GABBR2: variants seen among roughly 807,000 people sequenced by gnomAD.
GABBR2 encodes the protein gamma-aminobutyric acid type B receptor subunit 2.
GABBR2 carries 23 observed loss-of-function variants against 105.6 expected under a neutral mutation model. The ratio of observed to expected loss-of-function variants is 0.22; its 90% CI spans 0.16 to 0.31. The LOEUF (loss-of-function observed/expected upper bound fraction) is 0.31. Ranked by LOEUF, GABBR2 falls within the 10% of genes least tolerant of loss-of-function variation. The pLI, the probability that GABBR2 is intolerant of heterozygous loss-of-function variation, is 1.00. For missense variants in GABBR2, 734 were observed against 1,245.5 expected (o/e 0.59, Z 6.18); for synonymous variants, 478 against 499.7 (o/e 0.96, Z 0.58).
intron 1 of GABBR2, among the ~76,000 whole-genome samples, chr9:98,675,854 G>T (rs764119228): frequency 2.0e-5 from 3 of 152,214 alleles, no homozygotes; most frequent in African/African-American, 4.8e-5. Context: ...AAATGTTGCT[G>T]TATTCAACAT....
chr9:98,461,383 T>C (rs1439699276), intron 6 of GABBR2, among the ~76,000 whole-genome samples: 2 of 152,240 alleles, frequency 1.3e-5, no homozygotes, highest in South Asian at 4.1e-4. Context: ...CAAAGGAAGA[T>C]AAATGGAAGT....
At chr9:98,500,371 G>A (rs73488412) in intron 3 of GABBR2, among the ~76,000 whole-genome samples, 4,062 of 152,288 alleles carry the variant, frequency 0.027, 100 homozygotes, top group African/African-American at 0.056. Flanking sequence ...GGGAGAGATG[G>A]GTAATGATGG....
At position 98,612,680 on chromosome 9, in the gene GABBR2, G is replaced by A. The variant is rs76294940; in HGVS notation, c.322-34608C>T. On this transcript the variant is annotated intron_variant, in intron 1 of 18. Transcript: ENST00000259455. ...CAATGATAGCTGAAATACAAAAATA[G>A]AAAATTTAAAGACATAGCATTACTC... Among the ~76,000 whole-genome samples the A allele has an allele frequency of 5.6e-3, 856 of 152,254 alleles. 20 individuals carry two copies. The East Asian group carries it at 0.057, about 10-fold the overall frequency.
intron 4 of GABBR2, among the ~76,000 whole-genome samples, chr9:98,482,456 C>T (rs1386366432): frequency 5.3e-5 from 8 of 152,180 alleles, no homozygotes; most frequent in South Asian, 2.1e-4. Context: ...AAGCTGCTTC[C>T]GTTCTGTGGA....
chr9:98,560,956 T>C (rs1400853879), intron 2 of GABBR2, among the ~76,000 whole-genome samples: 1 of 151,956 alleles, frequency 6.6e-6, no homozygotes, highest in African/African-American at 2.4e-5. Flanking sequence ...AATGTCATTA[T>C]CACAGTTATG....
intron 2 of GABBR2, among the ~76,000 whole-genome samples, chr9:98,577,063 G>T (rs376644285): frequency 6.7e-6 from 1 of 149,000 alleles, no homozygotes; most frequent in Non-Finnish European, 1.5e-5. Context: ...TGGATGGACA[G>T]ATGGATGGAT....
intron 3 of GABBR2, among the ~76,000 whole-genome samples, chr9:98,501,133 C>CG (rs1351475944): frequency 6.9e-6 from 1 of 144,420 alleles, no homozygotes; most frequent in East Asian, 2.0e-4. Flanking sequence ...CTGCCCCCCC[C>CG]CCTTCCCCGC....
Position 98,331,841 on chromosome 9 carries a change from C to T in GABBR2, c.1894-20636G>A, listed in dbSNP as rs907760810. On this transcript the variant is annotated intron_variant, in intron 13 of 18. Transcript: ENST00000259455. ...CATGCATACATTTTAACCACACATG[C>T]GGCAAGTTCACAGACTGCCTTGGAA... is the stretch of plus-strand genomic sequence containing the variant. Among the ~76,000 whole-genome samples the T allele has an allele frequency of 4.5e-4, 69 of 152,114 alleles. 2 individuals are homozygous for T. The highest frequency in any genetic ancestry group is 1.3e-4 in the Admixed American group (2 of 15,268).
At chr9:98,670,741 CAG>C (rs1489044777) in intron 1 of GABBR2, among the ~76,000 whole-genome samples, 3 of 152,072 alleles carry the variant, frequency 2.0e-5, no homozygotes, top group African/African-American at 7.2e-5. Flanking sequence ...AAAAGACAAA[CAG>C]TGTATGATTC....
At chr9:98,312,867 A>G (rs1830657054) in intron 13 of GABBR2, among the ~76,000 whole-genome samples, 1 of 152,118 alleles carries the variant, frequency 6.6e-6, no homozygotes, top group South Asian at 2.1e-4. Flanking sequence ...CTCATGTCTC[A>G]GCCTCTTGAG....
intron 1 of GABBR2, among the ~76,000 whole-genome samples, chr9:98,660,010 T>C (rs1830237854): frequency 6.6e-6 from 1 of 152,202 alleles, no homozygotes; most frequent in African/African-American, 2.4e-5. Flanking sequence ...TTAAGTGAAA[T>C]CTGCATTATA....
At chr9:98,652,809 G>T (rs1420529984) in intron 1 of GABBR2, among the ~76,000 whole-genome samples, 1 of 152,242 alleles carries the variant, frequency 6.6e-6, no homozygotes. Flanking sequence ...GGGCTCTGAG[G>T]TCTGAACAAC....
At chr9:98,651,835 T>C (rs996051299) in intron 1 of GABBR2, among the ~76,000 whole-genome samples, 5 of 152,206 alleles carry the variant, frequency 3.3e-5, no homozygotes, top group East Asian at 1.9e-4. Flanking sequence ...TATTAGACAA[T>C]TGGAAATTTG....
chr9:98,537,992 A>C (rs1039286914), intron 3 of GABBR2, among the ~76,000 whole-genome samples: 8 of 152,202 alleles, frequency 5.3e-5, no homozygotes, highest in Non-Finnish European at 8.8e-5. Flanking sequence ...GGTCCTCCAC[A>C]GCACAGGGCC....
intron 3 of GABBR2, among the ~76,000 whole-genome samples, chr9:98,533,462 G>A (rs1828108361): frequency 6.6e-6 from 1 of 152,198 alleles, no homozygotes; most frequent in Non-Finnish European, 1.5e-5. Flanking sequence ...CCAGGAACAG[G>A]TGGACTCAGG....
chr9:98,389,376 G>A (rs1447896095), intron 9 of GABBR2, among the ~76,000 whole-genome samples: 2 of 152,194 alleles, frequency 1.3e-5, no homozygotes, highest in Non-Finnish European at 2.9e-5. Context: ...GTGCCTTCGG[G>A]GATGAAGAAC....
At chr9:98,514,324 C>T (rs1827714149) in intron 3 of GABBR2, among the ~76,000 whole-genome samples, 1 of 132,002 alleles carries the variant, frequency 7.6e-6, no homozygotes, top group Admixed American at 7.6e-5. Flanking sequence ...TTAGTGGGTG[C>T]AGCACACCAG....
In GABBR2 at chr9:98,682,366, CTTTTTTT is replaced by C. The variant is rs58885676; in HGVS notation, c.321+26044_321+26050del. Among the ~76,000 whole-genome samples the C allele has an allele frequency of 1.1e-3, 58 of 52,262 alleles. 1 individual carries two copies. In the South Asian group the frequency reaches 0.015, roughly 14 times the overall value. 34.3% of individuals were successfully genotyped at this position (52,262 alleles called of 152,430 possible). A position where few individuals can be genotyped will look rare whatever the true frequency, so the allele number is the denominator to read the frequency against. On this transcript the variant is annotated intron_variant, in intron 1 of 18. Coordinates refer to ENST00000259455, the MANE Select transcript of GABBR2 (RefSeq NM_005458.8). The stretch of plus-strand genomic sequence containing the variant: ...CGAGATAGGAGATGGATTTTACCAT[CTTTTTTT>C]TTTTTTTTTTTTTTTTTTTTGAGAT...
At chr9:98,409,841 C>T (rs1832554307) in intron 7 of GABBR2, among the ~76,000 whole-genome samples, 1 of 152,218 alleles carries the variant, frequency 6.6e-6, no homozygotes, top group South Asian at 2.1e-4. Flanking sequence ...TGGCTTCCTC[C>T]CTTCCAGCTT....
Sources: gnomAD v4.1 joint callset for allele counts (sites outside exome capture counted in the v4.1 genomes callset) on GRCh38, gnomAD v4.1.1 for gene constraint, MANE v1.5 for transcripts, NCBI Gene and HGNC (gene_info 2026-07-23, HGNC 2026-07-21) for gene names.